ASB13: variants seen among roughly 807,000 people sequenced by gnomAD.
The protein encoded by ASB13 is ankyrin repeat and SOCS box protein 13.
In ASB13, 33 loss-of-function variants were observed where a neutral mutation model predicts 28.8. The observed-to-expected ratio is 1.15, with a 90% CI of 0.87 to 1.53. The LOEUF (loss-of-function observed/expected upper bound fraction) is 1.53. Among genes scored for constraint, ASB13 ranks in the 40% most tolerant of loss-of-function variants. ASB13 has a pLI of 0.00. For missense variants in ASB13, 414 were observed against 390.1 expected (o/e 1.06, Z -0.52); for synonymous variants, 182 against 172.9 (o/e 1.05, Z -0.41).
At position 5,641,392 on chromosome 10, in the gene ASB13, G is replaced by A. The variant is rs1308482576; in HGVS notation, c.709+378C>T. ...GCTGTGATTACAGGTGTGAGCCACT[G>A]CGCCTTTTCAAAACCATGGTTTTGG... is the stretch of plus-strand genomic sequence containing the variant. On this transcript the variant is annotated intron_variant, in intron 5 of 5. Transcript: ENST00000357700. This position sits in a 1 kb window ranked among gnomAD's most constrained non-coding sequence, Gnocchi z 8.4. 6.6e-6 allele frequency among the ~76,000 whole-genome samples: 1 copy of A among 152,162 alleles called. No homozygotes were observed. Among genetic ancestry groups the A allele is most frequent in the Non-Finnish European group, 1.5e-5 (1 of 68,034 alleles).
At position 5,664,550 on chromosome 10, in the gene ASB13, C is replaced by G. The variant is rs1055978357; in HGVS notation, c.43+1959G>C. Among the ~76,000 whole-genome samples, 1 of 151,916 alleles carries G rather than the reference C, an allele frequency of 6.6e-6. No individual in the cohort carries two copies. The highest frequency in any genetic ancestry group is 2.4e-5 in the African/African-American group (1 of 41,330). On this transcript the variant is annotated intron_variant, in intron 1 of 5. Transcript: ENST00000357700. The surrounding 1 kb of genome is among the most constrained non-coding windows in gnomAD (Gnocchi z 4.2). ...TGTCAACACTGAAATCTGATTTAAACAAAAACAATTCTACTGGAGGACCCT... is the reference window on the plus strand; with the variant it reads ...TGTCAACACTGAAATCTGATTTAAAGAAAAACAATTCTACTGGAGGACCCT...
chr10:5,656,942 G>A lies in ASB13; in HGVS notation c.44-3892C>T, dbSNP rs2131454348. ...TTAGACACTTATCTACCATCTTCCT[G>A]GTTTGCTGGCTCTCCAGATAAACCT... On this transcript the variant is annotated intron_variant, in intron 1 of 5. Coordinates refer to ENST00000357700, the MANE Select transcript of ASB13 (RefSeq NM_024701.4). This position sits in a 1 kb window ranked among gnomAD's most constrained non-coding sequence, Gnocchi z 4.3. Among the ~76,000 whole-genome samples the A allele has an allele frequency of 6.6e-6, 1 of 152,250 alleles. No individual in the cohort carries two copies. The highest frequency in any genetic ancestry group is 2.1e-4 in the South Asian group (1 of 4,822).
Position 5,642,568 on chromosome 10 carries a change from A to T in ASB13, c.518-607T>A. 2 of 1,212,376 alleles carry T rather than the reference A, an allele frequency of 1.6e-6. No homozygotes were observed. The highest frequency in any genetic ancestry group is 2.1e-6 in the Non-Finnish European group (2 of 959,876). 75.1% of individuals were successfully genotyped at this position (1,212,376 alleles called of 1,614,324 possible). A position where few individuals can be genotyped will look rare whatever the true frequency, so the allele number is the denominator to read the frequency against. On this transcript the variant is annotated intron_variant, in intron 4 of 5. Transcript: ENST00000357700. The surrounding 1 kb of genome is among the most constrained non-coding windows in gnomAD (Gnocchi z 4.1). ...CATTCATCAAGCTGATTAAAAGTAA[A>T]GGTAAAAAAAAATTTTTTTTTAAAA...
Position 5,656,309 on chromosome 10 carries a change from G to T in ASB13, c.44-3259C>A, listed in dbSNP as rs1835073726. On this transcript the variant is annotated intron_variant, in intron 1 of 5. Coordinates refer to ENST00000357700, the MANE Select transcript of ASB13 (RefSeq NM_024701.4). This position sits in a 1 kb window ranked among gnomAD's most constrained non-coding sequence, Gnocchi z 4.3. ...AATCCCAGCACTTTGGGAGGCCAAG[G>T]CGGGTGGATCACGAGGTCAGGAGTT... 6.6e-6 allele frequency among the ~76,000 whole-genome samples: 1 copy of T among 152,204 alleles called. No homozygotes were observed. Among genetic ancestry groups the T allele is most frequent in the Non-Finnish European group, 1.5e-5 (1 of 68,030 alleles).
Position 5,644,886 on chromosome 10 carries a change from G to C in ASB13, c.518-2925C>G, listed in dbSNP as rs1040355328. On this transcript the variant is annotated intron_variant, in intron 4 of 5. Coordinates refer to ENST00000357700, the MANE Select transcript of ASB13 (RefSeq NM_024701.4). This position sits in a 1 kb window ranked among gnomAD's most constrained non-coding sequence, Gnocchi z 5.1. ...AGGAAGAGAGAAAGAGGGTAGGAGA[G>C]GGAAAGAAAGTAACTTTGTGTGAAG... Among the ~76,000 whole-genome samples, 1 of 151,984 alleles carries C rather than the reference G, an allele frequency of 6.6e-6. No homozygotes were observed. The highest frequency in any genetic ancestry group is 1.5e-5 in the Non-Finnish European group (1 of 67,986).
rs1421978325 is a variant in ASB13, at chr10:5,644,066, A to T, written c.518-2105T>A. Among the ~76,000 whole-genome samples the T allele has an allele frequency of 1.3e-5, 2 of 152,212 alleles. No homozygotes were observed. Among genetic ancestry groups the T allele is most frequent in the Non-Finnish European group, 2.9e-5 (2 of 68,040 alleles). ...GGAAGGTGAATAAGGAAGGAAATGAAATTGTGAATAAGGGATTGAAGGGAA... is the reference window on the plus strand; with the variant it reads ...GGAAGGTGAATAAGGAAGGAAATGATATTGTGAATAAGGGATTGAAGGGAA... On this transcript the variant is annotated intron_variant, in intron 4 of 5. Coordinates refer to ENST00000357700, the MANE Select transcript of ASB13 (RefSeq NM_024701.4). This position sits in a 1 kb window ranked among gnomAD's most constrained non-coding sequence, Gnocchi z 5.1.
intron 4 of ASB13, among the ~76,000 whole-genome samples, chr10:5,647,398 G>C (rs1834901310): frequency 6.6e-6 from 1 of 152,180 alleles, no homozygotes; most frequent in African/African-American, 2.4e-5. Flanking sequence ...TAAAACTTTT[G>C]GTATAGACAG....
At position 5,652,726 on chromosome 10, in the gene ASB13, A is replaced by G. The variant is rs1835006347; in HGVS notation, c.231+137T>C. 2.2e-6 allele frequency: 2 copies of G among 921,542 alleles called. No homozygotes were observed. Among genetic ancestry groups the G allele is most frequent in the South Asian group, 5.5e-5 (2 of 36,172 alleles). 57.1% of individuals were successfully genotyped at this position (921,542 alleles called of 1,614,324 possible). A position where few individuals can be genotyped will look rare whatever the true frequency, so the allele number is the denominator to read the frequency against. On this transcript the variant is annotated intron_variant, in intron 2 of 5. Transcript: ENST00000357700. The surrounding 1 kb of genome is among the most constrained non-coding windows in gnomAD (Gnocchi z 5.0). ...CCAGGTCCACGAGCACTTCTCAGCC[A>G]TGGGCTTCCTGGTACCTGTGTGCAG...
Position 5,658,871 on chromosome 10 carries a change from G to A in ASB13, c.44-5821C>T, listed in dbSNP as rs1252778674. Among the ~76,000 whole-genome samples, 2 of 152,124 alleles carry A rather than the reference G, an allele frequency of 1.3e-5. No individual in the cohort carries two copies. Among genetic ancestry groups the A allele is most frequent in the African/African-American group, 2.4e-5 (1 of 41,412 alleles). ...GGCTAGAGGACAGCAGGTGCCTGGG[G>A]TGCACCTCGTCACCTTTCCTGACAC... is the stretch of plus-strand genomic sequence containing the variant. On this transcript the variant is annotated intron_variant, in intron 1 of 5. Coordinates refer to ENST00000357700, the MANE Select transcript of ASB13 (RefSeq NM_024701.4). The surrounding 1 kb of genome is among the most constrained non-coding windows in gnomAD (Gnocchi z 4.2).
In ASB13 at chr10:5,661,895, C is replaced by T. The variant is rs767752165; in HGVS notation, c.43+4614G>A. On this transcript the variant is annotated intron_variant, in intron 1 of 5. Coordinates refer to ENST00000357700, the MANE Select transcript of ASB13 (RefSeq NM_024701.4). This position sits in a 1 kb window ranked among gnomAD's most constrained non-coding sequence, Gnocchi z 4.9. Reference sequence around the variant, plus strand: ...CCTGGCTGCAGAAATGTCATTTCTGCGTCAAAAACAACCAGCAGCCTCTGT... The same window carrying T: ...CCTGGCTGCAGAAATGTCATTTCTGTGTCAAAAACAACCAGCAGCCTCTGT... Among the ~76,000 whole-genome samples the T allele has an allele frequency of 1.3e-5, 2 of 152,156 alleles. No homozygotes were observed. The highest frequency in any genetic ancestry group is 2.1e-4 in the South Asian group (1 of 4,826).
chr10:5,647,427 G>A (rs1005146978), intron 4 of ASB13, among the ~76,000 whole-genome samples: 1 of 152,192 alleles, frequency 6.6e-6, no homozygotes, highest in East Asian at 1.9e-4. Flanking sequence ...CCTAATCCTC[G>A]ATTGGTTGGT....
chr10:5,665,818 C>T (rs1835249569), intron 1 of ASB13, among the ~76,000 whole-genome samples: 1 of 151,878 alleles, frequency 6.6e-6, no homozygotes, highest in Non-Finnish European at 1.5e-5. Flanking sequence ...TCTTTTTAGG[C>T]TTTCATAGTG....
At position 5,659,964 on chromosome 10, in the gene ASB13, CATCCATTAAATGA is replaced by C. The variant is rs1205214801; in HGVS notation, c.43+6532_43+6544del. On this transcript the variant is annotated intron_variant, in intron 1 of 5. Transcript: ENST00000357700. This position sits in a 1 kb window ranked among gnomAD's most constrained non-coding sequence, Gnocchi z 5.8. ...CACTCTGGCCAAGCGGGGGCTCGTGCATCCATTAAATGAAGAACTTGTGTTGCAACAAGAGCCA... is the reference window on the plus strand; with the variant it reads ...CACTCTGGCCAAGCGGGGGCTCGTGCAGAACTTGTGTTGCAACAAGAGCCA... Among the ~76,000 whole-genome samples the C allele has an allele frequency of 6.6e-6, 1 of 152,198 alleles. No homozygotes were observed. The highest frequency in any genetic ancestry group is 2.4e-5 in the African/African-American group (1 of 41,440).
chr10:5,654,902 G>C (rs1008139791), intron 1 of ASB13, among the ~76,000 whole-genome samples: 1 of 152,052 alleles, frequency 6.6e-6, no homozygotes, highest in Non-Finnish European at 1.5e-5. Context: ...TTCGAAACCA[G>C]CCTGGCCAAC....
At position 5,642,441 on chromosome 10, in the gene ASB13, A is replaced by G. The variant is rs1330898769; in HGVS notation, c.518-480T>C. ...GAATAAATGTTCCTTAACAATGCAT[A>G]TTCTTTTACAAAAGGAAAACAGATA... On this transcript the variant is annotated intron_variant, in intron 4 of 5. Transcript: ENST00000357700. This position sits in a 1 kb window ranked among gnomAD's most constrained non-coding sequence, Gnocchi z 4.1. 1.8e-6 allele frequency: 2 copies of G among 1,091,468 alleles called. No homozygotes were observed. The highest frequency in any genetic ancestry group is 2.3e-6 in the Non-Finnish European group (2 of 864,498). 67.6% of individuals were successfully genotyped at this position (1,091,468 alleles called of 1,614,324 possible).
Position 5,661,708 on chromosome 10 carries a change from A to G in ASB13, c.43+4801T>C, listed in dbSNP as rs914918512. 6.6e-6 allele frequency among the ~76,000 whole-genome samples: 1 copy of G among 152,118 alleles called. No homozygotes were observed. The highest frequency in any genetic ancestry group is 1.5e-5 in the Non-Finnish European group (1 of 68,012). ...GAGACAGGGTTTCACCATGTTGCCC[A>G]GGCTGGTCTCAAACTCCTGGGTTCA... On this transcript the variant is annotated intron_variant, in intron 1 of 5. Coordinates refer to ENST00000357700, the MANE Select transcript of ASB13 (RefSeq NM_024701.4). The surrounding 1 kb of genome is among the most constrained non-coding windows in gnomAD (Gnocchi z 4.9).
rs1213005635 is a variant in ASB13, at chr10:5,655,531, C to G, written c.44-2481G>C. ...ATCTGTCTTGTCCACAGCCAAAGAG[C>G]CCGGGTGACCCTATGTCAGTGGAAG... On this transcript the variant is annotated intron_variant, in intron 1 of 5. Coordinates refer to ENST00000357700, the MANE Select transcript of ASB13 (RefSeq NM_024701.4). This position sits in a 1 kb window ranked among gnomAD's most constrained non-coding sequence, Gnocchi z 6.2. Among the ~76,000 whole-genome samples the G allele has an allele frequency of 1.3e-5, 2 of 152,178 alleles. No homozygotes were observed. Among genetic ancestry groups the G allele is most frequent in the African/African-American group, 4.8e-5 (2 of 41,432 alleles).
Position 5,640,688 on chromosome 10 carries a change from G to A in ASB13, c.*15C>T, listed in dbSNP as rs2131439326. On this transcript the variant is annotated 3_prime_UTR_variant, in exon 6 of 6. Coordinates refer to ENST00000357700, the MANE Select transcript of ASB13 (RefSeq NM_024701.4). ...GCACAACGGGGGCAGCCACGGTCCG[G>A]ACCCCACCTGCAATTCAGTTGTAGG... 6.2e-7 allele frequency: 1 copy of A among 1,614,070 alleles called. No individual in the cohort carries two copies.
chr10:5,651,452 A>G lies in ASB13; in HGVS notation c.232-89T>C, dbSNP rs1834983581. The G allele has an allele frequency of 1.4e-6, 2 of 1,393,258 alleles. No individual in the cohort carries two copies. Among genetic ancestry groups the G allele is most frequent in the African/African-American group, 1.4e-5 (1 of 68,980 alleles). The allele number at this position is 1,393,258 out of a possible 1,614,324, so 86.3% of individuals were successfully genotyped here. A position where few individuals can be genotyped will look rare whatever the true frequency, so the allele number is the denominator to read the frequency against. On this transcript the variant is annotated intron_variant, in intron 2 of 5. Coordinates refer to ENST00000357700, the MANE Select transcript of ASB13 (RefSeq NM_024701.4). The surrounding 1 kb of genome is among the most constrained non-coding windows in gnomAD (Gnocchi z 5.1). ...CTGCTGCAGGTTCATCTTTGCTAAGATGCTTCTTAGAAGCACCGGTTTGCT... is the reference window on the plus strand; with the variant it reads ...CTGCTGCAGGTTCATCTTTGCTAAGGTGCTTCTTAGAAGCACCGGTTTGCT...
Sources: gnomAD v4.1 joint callset for allele counts (sites outside exome capture counted in the v4.1 genomes callset) on GRCh38, gnomAD v4.1.1 for gene constraint, Gnocchi (gnomAD v3.1) non-coding constraint, MANE v1.5 for transcripts, NCBI Gene and HGNC (gene_info 2026-07-23, HGNC 2026-07-21) for gene names.